The following PHC3 variants were observed in gnomAD, a reference collection of about 807,000 sequenced individuals.
PHC3 encodes polyhomeotic-like protein 3.
In PHC3, 13 loss-of-function variants were observed where a neutral mutation model predicts 107.4. The ratio of observed to expected loss-of-function variants is 0.12; its 90% CI spans 0.08 to 0.19. The LOEUF (loss-of-function observed/expected upper bound fraction) is 0.19. Ranked by LOEUF, PHC3 falls within the 10% of genes least tolerant of loss-of-function variation. The pLI is 1.00. For synonymous variants in PHC3, 456 were observed against 427.4 expected, an observed-to-expected ratio of 1.07 and a Z score of -0.83; for missense variants, 992 against 1,210.9, an observed-to-expected ratio of 0.82 and a Z score of 2.68.
chr3:170,124,547 T>C (rs1224001893), intron 8 of PHC3, among the ~76,000 whole-genome samples: 1 of 152,078 alleles, frequency 6.6e-6, no homozygotes. Context: ...ATGTTTTTTG[T>C]AGAGATGAGG....
In PHC3 at chr3:170,089,331, C is replaced by A. The variant is rs1713832599; in HGVS notation, c.*7899G>T. ...AGATCCCAGAATGACAAGGAAGGGA[C>A]CTTAACCCAATAAATGATTCTCCCA... On this transcript the variant is annotated 3_prime_UTR_variant, in exon 15 of 15. Coordinates refer to ENST00000495893, the MANE Select transcript of PHC3 (RefSeq NM_024947.4). 6.6e-6 allele frequency: 1 copy of A among 152,074 alleles called. No individual in the cohort carries two copies. Among genetic ancestry groups the A allele is most frequent in the African/African-American group, 2.4e-5 (1 of 41,404 alleles). 9.4% of individuals were successfully genotyped at this position (152,074 alleles called of 1,614,324 possible). A position where few individuals can be genotyped will look rare whatever the true frequency, so the allele number is the denominator to read the frequency against.
chr3:170,160,658 T>C (rs1185483042), intron 4 of PHC3, among the ~76,000 whole-genome samples: 5 of 152,218 alleles, frequency 3.3e-5, no homozygotes, highest in Non-Finnish European at 7.3e-5. Context: ...CCTAGCACTT[T>C]GGGAGGCCAA....
chr3:170,123,732 G>T (rs1372777215), intron 8 of PHC3, among the ~76,000 whole-genome samples: 41 of 151,962 alleles, frequency 2.7e-4, no homozygotes, highest in Non-Finnish European at 7.4e-5. Flanking sequence ...GGCAGAGGTT[G>T]CAGTGAGCCA....
intron 14 of PHC3, among the ~76,000 whole-genome samples, chr3:170,099,441 T>C (rs1217122405): frequency 1.3e-5 from 2 of 150,084 alleles, no homozygotes; most frequent in Admixed American, 1.3e-4. Flanking sequence ...TACAGAAAAA[T>C]ATATTTTAAA....
intron 4 of PHC3, among the ~76,000 whole-genome samples, chr3:170,166,978 AACAC>A (rs1728840709): frequency 6.6e-6 from 1 of 152,124 alleles, no homozygotes; most frequent in Non-Finnish European, 1.5e-5. Context: ...TTTAAAGTTT[AACAC>A]ACACTGCCAA....
chr3:170,119,036 TAAA>T (rs1002478959), intron 9 of PHC3, among the ~76,000 whole-genome samples: 1 of 72,668 alleles, frequency 1.4e-5, no homozygotes. Context: ...TATAAAAAGC[TAAA>T]AAAAAAAAAA....
chr3:170,103,027 T>TA (rs1715776454), intron 12 of PHC3, 93 bp from the exon 13 acceptor site: 5 of 1,205,698 alleles, frequency 4.1e-6, no homozygotes, highest in Non-Finnish European at 5.9e-6. Flanking sequence ...TGTGAATCAG[T>TA]AAGTACCACA....
At chr3:170,112,313 C>T (rs1273968549) in intron 11 of PHC3, among the ~76,000 whole-genome samples, 1 of 151,596 alleles carries the variant, frequency 6.6e-6, no homozygotes, top group Non-Finnish European at 1.5e-5. Context: ...CTGGTTCAAG[C>T]GATTCTCCTG....
intron 2 of PHC3, among the ~76,000 whole-genome samples, chr3:170,178,482 C>T (rs1490167947): frequency 6.6e-6 from 1 of 152,206 alleles, no homozygotes; most frequent in African/African-American, 2.4e-5. Flanking sequence ...GTATCTTGCT[C>T]TCTAGTCTTC....
intron 9 of PHC3, among the ~76,000 whole-genome samples, chr3:170,120,394 T>C (rs1321968124): frequency 6.6e-6 from 1 of 152,106 alleles, no homozygotes; most frequent in Non-Finnish European, 1.5e-5. Context: ...GAGACCCACC[T>C]AGCCAACATA....
At chr3:170,174,160 T>G (rs1216397639) in intron 2 of PHC3, among the ~76,000 whole-genome samples, 2 of 151,486 alleles carry the variant, frequency 1.3e-5, no homozygotes, top group Non-Finnish European at 2.9e-5. Context: ...GCCACTGCAC[T>G]CCAGCCTAGA....
At chr3:170,151,083 C>T (rs1385269197) in intron 4 of PHC3, among the ~76,000 whole-genome samples, 4 of 151,572 alleles carry the variant, frequency 2.6e-5, no homozygotes, top group South Asian at 2.1e-4. Context: ...TGATGGCACG[C>T]GCCTGTAATC....
Position 170,129,422 on chromosome 3 carries a change from T to C in PHC3, c.1050A>G (p.Thr350=), listed in dbSNP as rs778299490. 3 of 1,613,736 alleles carry C rather than the reference T, an allele frequency of 1.9e-6. No individual in the cohort carries two copies. The highest frequency in any genetic ancestry group is 2.5e-6 in the Non-Finnish European group (3 of 1,179,862). Residue 350 remains threonine (T), a synonymous_variant, in exon 8 of 15, where the codon ACA becomes ACG. Coordinates refer to ENST00000495893, the MANE Select transcript of PHC3 (RefSeq NM_024947.4). The part of the protein sequence containing the change: ...QQQQQQIQPI[T]LQNSTQDPPP... ...GTGGGTCTTGAGTTGAATTCTGAAG[T>C]GTGATTGGCTGAATTTGCTGTTGCT...
In PHC3 at chr3:170,094,381, G is replaced by A. The variant is rs1206345623; in HGVS notation, c.*2849C>T. The A allele has an allele frequency of 6.6e-6, 1 of 152,214 alleles. No individual in the cohort carries two copies. 9.4% of individuals were successfully genotyped at this position (152,214 alleles called of 1,614,324 possible). A position where few individuals can be genotyped will look rare whatever the true frequency, so the allele number is the denominator to read the frequency against. On this transcript the variant is annotated 3_prime_UTR_variant, in exon 15 of 15. Transcript: ENST00000495893. ...TTTTTATCCCAATGGGACAAAGAGTGCAACACTGCAAGGAAGTCAGAAAAT... is the reference window on the plus strand; with the variant it reads ...TTTTTATCCCAATGGGACAAAGAGTACAACACTGCAAGGAAGTCAGAAAAT...
chr3:170,173,123 T>C (rs1307530020), intron 2 of PHC3, among the ~76,000 whole-genome samples: 1 of 150,412 alleles, frequency 6.6e-6, no homozygotes, highest in Non-Finnish European at 1.5e-5. Flanking sequence ...ACCTGTGAGG[T>C]GAAGGCTGCA....
chr3:170,180,498 A>G (rs1275931767), intron 1 of PHC3, among the ~76,000 whole-genome samples: 5 of 152,272 alleles, frequency 3.3e-5, no homozygotes, highest in African/African-American at 1.2e-4. Flanking sequence ...GAAAACCGTC[A>G]GGAAGAAAGC....
In PHC3 at chr3:170,097,452, C is replaced by A; in HGVS notation, c.2834-68G>T. On this transcript the variant is annotated intron_variant, in intron 14 of 14. Coordinates refer to ENST00000495893, the MANE Select transcript of PHC3 (RefSeq NM_024947.4). This position sits in a 1 kb window ranked among gnomAD's most constrained non-coding sequence, Gnocchi z 4.1. ...ACAATTAGACATTACTCCTAACAGTCACAGTTATGCTCTCACTGGGTCTGA... is the reference window on the plus strand; with the variant it reads ...ACAATTAGACATTACTCCTAACAGTAACAGTTATGCTCTCACTGGGTCTGA... 1 of 1,465,092 alleles carries A rather than the reference C, an allele frequency of 6.8e-7. No individual in the cohort carries two copies. Among genetic ancestry groups the A allele is most frequent in the South Asian group, 1.4e-5 (1 of 72,646 alleles). 90.8% of individuals were successfully genotyped at this position (1,465,092 alleles called of 1,614,324 possible). A position where few individuals can be genotyped will look rare whatever the true frequency, so the allele number is the denominator to read the frequency against.
At chr3:170,108,519 G>T (rs1415607937) in intron 11 of PHC3, among the ~76,000 whole-genome samples, 1 of 152,072 alleles carries the variant, frequency 6.6e-6, no homozygotes, top group Non-Finnish European at 1.5e-5. Flanking sequence ...ACCTTCATAA[G>T]CAAAAGTCAT....
intron 6 of PHC3, among the ~76,000 whole-genome samples, chr3:170,142,874 AAAG>A (rs1203182188): frequency 1.3e-5 from 2 of 152,216 alleles, no homozygotes; most frequent in African/African-American, 2.4e-5. Context: ...AAACAAAAAA[AAAG>A]AAGATCATTA....
Sources: allele counts gnomAD v4.1 joint callset (sites outside exome capture counted in the v4.1 genomes callset), GRCh38; gene constraint gnomAD v4.1.1; non-coding constraint Gnocchi (gnomAD v3.1); transcripts MANE v1.5; gene names NCBI Gene and HGNC (gene_info 2026-07-23, HGNC 2026-07-21).